Variants in EPHA6 observed in about 807,000 individuals in gnomAD.
The protein encoded by EPHA6 is ephrin type-A receptor 6.
A neutral mutation model predicts 112.0 loss-of-function variants in EPHA6; 50 were observed. The observed-to-expected ratio is 0.45, with a 90% CI of 0.36 to 0.56. EPHA6 has a LOEUF of 0.56. Ranked by LOEUF, EPHA6 falls within the 20% of genes least tolerant of loss-of-function variation. The pLI, the probability that EPHA6 is intolerant of heterozygous loss-of-function variation, is 0.00. For synonymous variants in EPHA6, 529 were observed against 490.7 expected (o/e 1.08, Z -1.03); for missense variants, 1,280 against 1,417.4 (o/e 0.90, Z 1.56).
chr3:97,126,112 A>AT (rs1454690190), intron 3 of EPHA6, among the ~76,000 whole-genome samples: 4 of 152,170 alleles, frequency 2.6e-5, no homozygotes, highest in Non-Finnish European at 4.4e-5. Flanking sequence ...TTTAGAAGGC[A>AT]TTTTTTTAGC....
chr3:97,172,647 C>T (rs559831520), intron 3 of EPHA6, among the ~76,000 whole-genome samples: 1 of 151,928 alleles, frequency 6.6e-6, no homozygotes, highest in South Asian at 2.1e-4. Flanking sequence ...GCTTCTGGCC[C>T]ATGAATATGT....
At chr3:96,922,824 C>G (rs1465956344) in intron 2 of EPHA6, among the ~76,000 whole-genome samples, 1 of 152,130 alleles carries the variant, frequency 6.6e-6, no homozygotes, top group Non-Finnish European at 1.5e-5. Context: ...GTCCCACAGG[C>G]CCCAGTATGT....
chr3:97,387,326 T>A (rs1452511838), intron 5 of EPHA6, among the ~76,000 whole-genome samples: 1 of 152,026 alleles, frequency 6.6e-6, no homozygotes, highest in Non-Finnish European at 1.5e-5. Flanking sequence ...GTTTTTTTTT[T>A]TTTTTTGCTT....
intron 2 of EPHA6, among the ~76,000 whole-genome samples, chr3:96,924,851 T>G (rs1159510702): frequency 6.6e-6 from 1 of 152,194 alleles, no homozygotes; most frequent in Non-Finnish European, 1.5e-5. Context: ...TGAAGGAATA[T>G]TGAATTTTAT....
Position 97,757,438 on chromosome 3 carries a change from A to G in EPHA6, c.*8737A>G, listed in dbSNP as rs1352378001. 6.6e-6 allele frequency among the ~76,000 whole-genome samples: 1 copy of G among 151,792 alleles called. No individual in the cohort carries two copies. Among genetic ancestry groups the G allele is most frequent in the Non-Finnish European group, 1.5e-5 (1 of 67,706 alleles). ...TCAAAATTCTTAACATTTCCATATT[A>G]TTAATCCTTTGTTTTCCAAGACATA... On this transcript the variant is annotated 3_prime_UTR_variant, in exon 18 of 18. Transcript: ENST00000389672.
chr3:97,003,673 T>C (rs892846664), intron 3 of EPHA6, among the ~76,000 whole-genome samples: 3 of 152,238 alleles, frequency 2.0e-5, no homozygotes, highest in Non-Finnish European at 4.4e-5. Flanking sequence ...TTATTTCTTC[T>C]TCAAAAAGAA....
chr3:96,961,763 A>C (rs2041956433), intron 2 of EPHA6, among the ~76,000 whole-genome samples: 1 of 152,180 alleles, frequency 6.6e-6, no homozygotes, highest in African/African-American at 2.4e-5. Flanking sequence ...TCATTTGGCC[A>C]GTGAGTAATA....
chr3:96,859,123 T>TCATA (rs58858123), intron 1 of EPHA6, among the ~76,000 whole-genome samples: 1 of 604 alleles, frequency 1.7e-3, no homozygotes, highest in African/African-American at 0.019. Context: ...TTTGATTACC[T>TCATA]CATTCATTCA....
chr3:97,748,730 C>T lies in EPHA6; in HGVS notation c.*29C>T. The T allele has an allele frequency of 3.4e-6, 4 of 1,182,200 alleles. No homozygotes were observed. Among genetic ancestry groups the T allele is most frequent in the Non-Finnish European group, 5.1e-6 (4 of 791,186 alleles). The allele number at this position is 1,182,200 out of a possible 1,614,324, so 73.2% of individuals were successfully genotyped here. A position where few individuals can be genotyped will look rare whatever the true frequency, so the allele number is the denominator to read the frequency against. On this transcript the variant is annotated 3_prime_UTR_variant, in exon 18 of 18. Coordinates refer to ENST00000389672, the MANE Select transcript of EPHA6 (RefSeq NM_001080448.3). ...TACCACAAGCACCTGTGTTTTGTGCCTCAGCATTTCTAAAATGAACGATAT... is the reference window on the plus strand; with the variant it reads ...TACCACAAGCACCTGTGTTTTGTGCTTCAGCATTTCTAAAATGAACGATAT...
chr3:96,816,044 G>T (rs544970966), intron 1 of EPHA6, among the ~76,000 whole-genome samples: 1 of 152,118 alleles, frequency 6.6e-6, no homozygotes, highest in Non-Finnish European at 1.5e-5. Flanking sequence ...GAAGTAATTT[G>T]CAGGTATAAA....
chr3:97,709,700 CAT>C (rs1449442878), intron 14 of EPHA6, among the ~76,000 whole-genome samples: 1 of 152,148 alleles, frequency 6.6e-6, no homozygotes, highest in South Asian at 2.1e-4. Flanking sequence ...GTAATCCCCA[CAT>C]GTCAAGGGAG....
chr3:96,842,834 A>G (rs751465366), intron 1 of EPHA6, among the ~76,000 whole-genome samples: 8 of 152,046 alleles, frequency 5.3e-5, no homozygotes, highest in African/African-American at 9.7e-5. Context: ...TCTAAAATCT[A>G]TTAACACCTT....
chr3:97,258,257 C>A (rs1447448807), intron 5 of EPHA6, among the ~76,000 whole-genome samples: 1 of 151,450 alleles, frequency 6.6e-6, no homozygotes. Flanking sequence ...TATATACACA[C>A]ACACACACAC....
At chr3:97,238,565 G>A (rs2078748109) in intron 4 of EPHA6, among the ~76,000 whole-genome samples, 1 of 151,612 alleles carries the variant, frequency 6.6e-6, no homozygotes, top group African/African-American at 2.4e-5. Context: ...TATAAAATGG[G>A]GATATTAATA....
At chr3:96,914,162 T>A (rs2039373139) in intron 2 of EPHA6, among the ~76,000 whole-genome samples, 2 of 152,254 alleles carry the variant, frequency 1.3e-5, no homozygotes, top group Admixed American at 6.5e-5. Context: ...ACAGTTTTTT[T>A]AAAGTATAGT....
intron 13 of EPHA6, among the ~76,000 whole-genome samples, chr3:97,636,242 T>G (rs2093944044): frequency 6.6e-6 from 1 of 152,078 alleles, no homozygotes; most frequent in Non-Finnish European, 1.5e-5. Flanking sequence ...AAAAGCCAAC[T>G]TTTAAACTTC....
chr3:97,330,133 T>A (rs985784969), intron 5 of EPHA6, among the ~76,000 whole-genome samples: 95 of 151,940 alleles, frequency 6.3e-4, no homozygotes, highest in African/African-American at 2.2e-3. Context: ...GTTGTAGATA[T>A]GCAGCATTAT....
intron 16 of EPHA6, among the ~76,000 whole-genome samples, chr3:97,746,038 T>G (rs1280539676): frequency 6.6e-6 from 1 of 151,864 alleles, no homozygotes; most frequent in Non-Finnish European, 1.5e-5. Context: ...GTAGTTCAAA[T>G]GTGAATGGTA....
chr3:96,834,081 G>A (rs1203169217), intron 1 of EPHA6, among the ~76,000 whole-genome samples: 1 of 151,840 alleles, frequency 6.6e-6, no homozygotes, highest in Admixed American at 6.6e-5. Flanking sequence ...GTCAAAAAAA[G>A]CATCTCCCTT....
Sources: allele counts gnomAD v4.1 joint callset (sites outside exome capture counted in the v4.1 genomes callset), GRCh38; gene constraint gnomAD v4.1.1; transcripts MANE v1.5; gene names NCBI Gene and HGNC (gene_info 2026-07-23, HGNC 2026-07-21).